The following USP32 variants were observed in gnomAD, a reference collection of about 807,000 sequenced individuals.
The protein encoded by USP32 is ubiquitin specific peptidase 32, also known as ubiquitin carboxyl-terminal hydrolase 32.
USP32 carries 59 observed loss-of-function variants against 204.8 expected under a neutral mutation model. The observed-to-expected ratio is 0.29, with a 90% CI of 0.23 to 0.36. The LOEUF is 0.36. Among genes scored for constraint, USP32 ranks in the 10% least tolerant of loss-of-function variants. The pLI is 1.00. For synonymous variants in USP32, 517 were observed against 678.4 expected (o/e 0.76, Z 3.70); for missense variants, 1,160 against 1,946.4 (o/e 0.60, Z 7.60).
At chr17:60,270,738 G>A (rs948905202) in intron 6 of USP32, among the ~76,000 whole-genome samples, 11 of 150,646 alleles carry the variant, frequency 7.3e-5, no homozygotes, top group African/African-American at 1.7e-4. Flanking sequence ...TAGGAGAATC[G>A]CTTGAACCCA....
At chr17:60,266,978 G>A (rs542248028) in intron 7 of USP32, among the ~76,000 whole-genome samples, 7 of 149,372 alleles carry the variant, frequency 4.7e-5, no homozygotes, top group East Asian at 4.0e-4. Context: ...TAGTAGAGAC[G>A]GGATTTCACC....
chr17:60,253,313 T>C (rs981640104), intron 10 of USP32, among the ~76,000 whole-genome samples: 1 of 152,132 alleles, frequency 6.6e-6, no homozygotes, highest in African/African-American at 2.4e-5. Context: ...AACTGTCAAC[T>C]GTACATGAGC....
In USP32 at chr17:60,349,684, T is replaced by C. The variant is rs1266477024; in HGVS notation, c.59-4076A>G. Among the ~76,000 whole-genome samples the C allele has an allele frequency of 2.3e-3, 299 of 128,412 alleles. 2 individuals carry two copies. The highest frequency in any genetic ancestry group is 7.1e-3 in the African/African-American group (229 of 32,150). 84.2% of individuals were successfully genotyped at this position (128,412 alleles called of 152,430 possible). ...ATATACACATATATATATACACACA[T>C]ATATATATATAGCAATCTGATGACT... On this transcript the variant is annotated intron_variant, in intron 1 of 33. Coordinates refer to ENST00000300896, the MANE Select transcript of USP32 (RefSeq NM_032582.4).
chr17:60,390,834 T>G (rs1292451624), intron 1 of USP32, among the ~76,000 whole-genome samples: 1 of 152,166 alleles, frequency 6.6e-6, no homozygotes, highest in Non-Finnish European at 1.5e-5. Flanking sequence ...CTTCTTAATG[T>G]TTTTTCACTT....
intron 1 of USP32, among the ~76,000 whole-genome samples, chr17:60,371,929 T>C (rs1379075769): frequency 6.6e-6 from 1 of 152,210 alleles, no homozygotes; most frequent in Non-Finnish European, 1.5e-5. Context: ...AACATTGTGC[T>C]AGAAAAGTAA....
intron 5 of USP32, among the ~76,000 whole-genome samples, chr17:60,287,091 A>G (rs2087134290): frequency 6.6e-6 from 1 of 152,186 alleles, no homozygotes; most frequent in African/African-American, 2.4e-5. Flanking sequence ...TGGAGGTTGC[A>G]GTGAGCCGAG....
chr17:60,179,051 C>T lies in USP32; in HGVS notation c.*204G>A, dbSNP rs184192869. On this transcript the variant is annotated 3_prime_UTR_variant, in exon 34 of 34. Transcript: ENST00000300896. The stretch of plus-strand genomic sequence containing the variant: ...TGGGATCTGCCTGAAAGTTCTCTAT[C>T]GGAGAGCTTGTATGAGACTTCAAAA... The T allele has an allele frequency of 4.8e-4, 283 of 595,030 alleles. 2 individuals are homozygous for T. Among genetic ancestry groups the T allele is most frequent in the African/African-American group, 4.3e-3 (228 of 53,564 alleles). 36.9% of individuals were successfully genotyped at this position (595,030 alleles called of 1,614,324 possible). A position where few individuals can be genotyped will look rare whatever the true frequency, so the allele number is the denominator to read the frequency against.
At chr17:60,301,530 T>C in intron 3 of USP32, 69 bp downstream of exon 3, 1 of 948,974 alleles carries the variant, frequency 1.1e-6, no homozygotes, top group Non-Finnish European at 1.5e-6. Flanking sequence ...CCTCTACCTG[T>C]CATCAGAATT....
At chr17:60,197,663 A>C (rs1403969569) in intron 27 of USP32, among the ~76,000 whole-genome samples, 1 of 152,254 alleles carries the variant, frequency 6.6e-6, no homozygotes, top group Non-Finnish European at 1.5e-5. Context: ...GATAAAAATA[A>C]GACATCATCA....
intron 11 of USP32, among the ~76,000 whole-genome samples, chr17:60,244,559 T>C (rs2085964090): frequency 6.6e-6 from 1 of 152,204 alleles, no homozygotes; most frequent in Non-Finnish European, 1.5e-5. Context: ...TAAAACTATT[T>C]TGGGGGATCA....
intron 1 of USP32, among the ~76,000 whole-genome samples, chr17:60,388,289 T>TACACACACAC (rs35068599): frequency 0.018 from 2,508 of 141,988 alleles, 97 homozygotes; most frequent in African/African-American, 0.064. Flanking sequence ...AGCCGATTCT[T>TACACACACAC]ACACACACAC....
intron 17 of USP32, among the ~76,000 whole-genome samples, chr17:60,213,925 A>G (rs1419439020): frequency 2.0e-5 from 3 of 151,446 alleles, no homozygotes; most frequent in Non-Finnish European, 4.4e-5. Flanking sequence ...GTTTGGTTAC[A>G]TGAATACGTT....
At chr17:60,197,740 A>G (rs534847757) in intron 27 of USP32, among the ~76,000 whole-genome samples, 2 of 152,374 alleles carry the variant, frequency 1.3e-5, no homozygotes, top group African/African-American at 4.8e-5. Flanking sequence ...GGAAAAAGGG[A>G]AAGAAAACAG....
At chr17:60,300,595 G>A (rs2087549340) in intron 3 of USP32, among the ~76,000 whole-genome samples, 1 of 152,188 alleles carries the variant, frequency 6.6e-6, no homozygotes, top group South Asian at 2.1e-4. Context: ...TATATAAAAT[G>A]TTATCAGGTA....
At chr17:60,345,382 G>A (rs1396608065) in intron 2 of USP32, 99 bp downstream of exon 2, 1 of 1,500,276 alleles carries the variant, frequency 6.7e-7, no homozygotes, top group African/African-American at 1.4e-5. Context: ...AATAACTACA[G>A]GTAAGATTAA....
chr17:60,223,292 T>C (rs2085301643), intron 14 of USP32, 119 bp downstream of exon 14: 3 of 783,796 alleles, frequency 3.8e-6, no homozygotes, highest in Admixed American at 5.9e-5. Flanking sequence ...GAGATGTCCA[T>C]CTATAATACA....
intron 9 of USP32, among the ~76,000 whole-genome samples, chr17:60,264,353 C>CAA (rs1180644086): frequency 4.1e-5 from 3 of 73,266 alleles, no homozygotes; most frequent in Admixed American, 1.5e-4. Context: ...CTGGTCTCTA[C>CAA]AAAAAAAAAA....
chr17:60,417,863 C>T (rs2090074044), intron 1 of USP32, among the ~76,000 whole-genome samples: 1 of 151,978 alleles, frequency 6.6e-6, no homozygotes, highest in Non-Finnish European at 1.5e-5. Flanking sequence ...AATCGAAGCT[C>T]ACTGCAACCT....
intron 1 of USP32, among the ~76,000 whole-genome samples, chr17:60,365,049 T>C (rs1157510986): frequency 1.3e-5 from 2 of 151,842 alleles, no homozygotes; most frequent in African/African-American, 2.4e-5. Context: ...TTATGCCTTT[T>C]AGTTAAGAAA....
Sources: allele counts gnomAD v4.1 joint callset (sites outside exome capture counted in the v4.1 genomes callset), GRCh38; gene constraint gnomAD v4.1.1; transcripts MANE v1.5; gene names NCBI Gene and HGNC (gene_info 2026-07-23, HGNC 2026-07-21).